CSMD1: variants seen among roughly 807,000 people sequenced by gnomAD.
The protein encoded by CSMD1 is CUB and Sushi multiple domains 1, also known as CUB and sushi domain-containing protein 1.
Under a neutral mutation model 417.5 loss-of-function variants are expected in CSMD1, and 213 were observed. The observed-to-expected ratio is 0.51, with a 90% CI of 0.46 to 0.57. CSMD1 has a LOEUF of 0.57. CSMD1 is among the 20% of genes least tolerant of loss of function. CSMD1 has a pLI of 0.00. For synonymous variants in CSMD1, 2,862 were observed against 1,736.8 expected (o/e 1.65, Z -16.11); for missense variants, 6,923 against 4,529.7 (o/e 1.53, Z -15.17).
rs745871491 is a variant in CSMD1, at chr8:4,064,512, T to C, written c.416-32413A>G. 3.7e-4 allele frequency among the ~76,000 whole-genome samples: 56 copies of C among 152,346 alleles called. 1 individual carries two copies. The highest frequency in any genetic ancestry group is 5.9e-4 in the Admixed American group (9 of 15,306). Reference sequence around the variant, plus strand: ...TGTGCCTGCAAATGTGAGGCAGGGATAACATCCAAGTGAAGCCACCCATGA... The same window carrying C: ...TGTGCCTGCAAATGTGAGGCAGGGACAACATCCAAGTGAAGCCACCCATGA... On this transcript the variant is annotated intron_variant, in intron 3 of 69. Transcript: ENST00000635120.
intron 52 of CSMD1, among the ~76,000 whole-genome samples, chr8:3,010,724 T>C (rs942278669): frequency 1.1e-4 from 17 of 152,056 alleles, no homozygotes; most frequent in Admixed American, 1.1e-3. Context: ...ATATTTCCCT[T>C]TTGCCATTAT....
At chr8:4,926,027 C>T (rs1234439115) in intron 1 of CSMD1, among the ~76,000 whole-genome samples, 2 of 152,126 alleles carry the variant, frequency 1.3e-5, no homozygotes, top group African/African-American at 2.4e-5. Context: ...AAAGTGAGAG[C>T]TCATAAACCA....
At chr8:3,193,366 A>C (rs1247976156) in intron 33 of CSMD1, among the ~76,000 whole-genome samples, 2 of 152,186 alleles carry the variant, frequency 1.3e-5, no homozygotes, top group Non-Finnish European at 2.9e-5. Flanking sequence ...AGAAGTTTGG[A>C]AAGTGAGGAC....
At chr8:3,086,514 A>G (rs1814544638) in intron 49 of CSMD1, among the ~76,000 whole-genome samples, 1 of 152,192 alleles carries the variant, frequency 6.6e-6, no homozygotes, top group African/African-American at 2.4e-5. Context: ...TTCATTATGA[A>G]TATAAACCTT....
At chr8:3,900,475 G>A (rs977874149) in intron 5 of CSMD1, among the ~76,000 whole-genome samples, 1 of 151,416 alleles carries the variant, frequency 6.6e-6, no homozygotes, top group African/African-American at 2.4e-5. Flanking sequence ...GGGTGACACT[G>A]TACCTGGTTG....
chr8:3,909,239 G>T (rs921971259), intron 5 of CSMD1, among the ~76,000 whole-genome samples: 2 of 152,148 alleles, frequency 1.3e-5, no homozygotes, highest in Non-Finnish European at 2.9e-5. Context: ...TCCTGGCTTG[G>T]AGGAGATGTA....
At chr8:4,680,975 T>TGTGAGA (rs767579851) in intron 1 of CSMD1, among the ~76,000 whole-genome samples, 24 of 136,770 alleles carry the variant, frequency 1.8e-4, no homozygotes, top group African/African-American at 4.4e-4. Flanking sequence ...TGTGTGTGTG[T>TGTGAGA]GAGAGAGAGA....
chr8:4,395,167 A>T (rs1039656501), intron 3 of CSMD1, among the ~76,000 whole-genome samples: 1 of 152,090 alleles, frequency 6.6e-6, no homozygotes, highest in Non-Finnish European at 1.5e-5. Context: ...ACTCCCTTAG[A>T]ACAACCCCTC....
intron 2 of CSMD1, among the ~76,000 whole-genome samples, chr8:4,582,698 C>T (rs1393166153): frequency 1.3e-5 from 2 of 152,242 alleles, no homozygotes. Flanking sequence ...GCTCTCGGCG[C>T]CTCCTCTGCC....
intron 7 of CSMD1, among the ~76,000 whole-genome samples, chr8:3,637,189 G>C (rs557670101): frequency 6.6e-6 from 1 of 152,272 alleles, no homozygotes; most frequent in South Asian, 2.1e-4. Flanking sequence ...GTTTAACACA[G>C]TTTTTAAGCT....
intron 3 of CSMD1, among the ~76,000 whole-genome samples, chr8:4,191,354 C>T (rs1446881531): frequency 1.3e-5 from 2 of 152,010 alleles, no homozygotes; most frequent in Non-Finnish European, 2.9e-5. Context: ...AGAGATCGCG[C>T]CACTGCACTC....
At chr8:3,847,613 A>C (rs1803597316) in intron 5 of CSMD1, among the ~76,000 whole-genome samples, 1 of 152,120 alleles carries the variant, frequency 6.6e-6, no homozygotes, top group Admixed American at 6.5e-5. Context: ...CCTTGATTCC[A>C]GACCGATGGA....
intron 2 of CSMD1, 89 bp downstream of exon 2, chr8:4,637,253 A>C: frequency 8.5e-7 from 1 of 1,181,052 alleles, no homozygotes; most frequent in East Asian, 2.3e-5. Context: ...AACTCCGGAC[A>C]CAATAATAAA....
At chr8:4,083,435 A>T (rs1234004868) in intron 3 of CSMD1, among the ~76,000 whole-genome samples, 1 of 152,158 alleles carries the variant, frequency 6.6e-6, no homozygotes, top group African/African-American at 2.4e-5. Flanking sequence ...ACCTGACTTC[A>T]AACTATACTA....
intron 55 of CSMD1, 138 bp downstream of exon 55, chr8:2,978,474 A>G (rs1805121797): frequency 4.3e-6 from 3 of 692,990 alleles, no homozygotes; most frequent in Non-Finnish European, 4.7e-6. Context: ...TACAGCTATC[A>G]TAAAAACTCC....
At chr8:3,453,561 C>T (rs565237162) in intron 12 of CSMD1, among the ~76,000 whole-genome samples, 78 of 152,220 alleles carry the variant, frequency 5.1e-4, no homozygotes, top group Middle Eastern at 3.4e-3. Context: ...ACCTTCATTT[C>T]GTTATGTACC....
At chr8:3,127,187 T>C (rs1052469951) in intron 41 of CSMD1, among the ~76,000 whole-genome samples, 1 of 152,122 alleles carries the variant, frequency 6.6e-6, no homozygotes, top group Admixed American at 6.5e-5. Context: ...GGGATGGGGA[T>C]TGCTACAACT....
At chr8:4,593,015 T>C (rs1306633061) in intron 2 of CSMD1, among the ~76,000 whole-genome samples, 1 of 152,198 alleles carries the variant, frequency 6.6e-6, no homozygotes, top group Non-Finnish European at 1.5e-5. Context: ...TTTAGAAAAT[T>C]TCTTATTGGT....
chr8:2,950,173 G>A (rs1802528340), intron 67 of CSMD1, 58 bp downstream of exon 67: 2 of 1,152,730 alleles, frequency 1.7e-6, no homozygotes, highest in African/African-American at 1.5e-5. Flanking sequence ...CCTTGCATCT[G>A]CACAGAGAGA....
Sources: gnomAD v4.1 joint callset for allele counts (sites outside exome capture counted in the v4.1 genomes callset) on GRCh38, gnomAD v4.1.1 for gene constraint, MANE v1.5 for transcripts, NCBI Gene and HGNC (gene_info 2026-07-23, HGNC 2026-07-21) for gene names.